Variants in H6PD observed in about 807,000 individuals in gnomAD.
H6PD encodes the protein hexose-6-phosphate dehydrogenase/glucose 1-dehydrogenase.
Under a neutral mutation model 61.2 loss-of-function variants are expected in H6PD, and 48 were observed. The ratio of observed to expected loss-of-function variants is 0.78; its 90% CI spans 0.62 to 1.00. The LOEUF (loss-of-function observed/expected upper bound fraction) is 1.00. Among genes scored for constraint, H6PD ranks in the 50% least tolerant of loss-of-function variants. The pLI, the probability that H6PD is intolerant of heterozygous loss-of-function variation, is 0.00. For synonymous variants in H6PD, 480 were observed against 457.9 expected (o/e 1.05, Z -0.62); for missense variants, 1,093 against 1,065.0 (o/e 1.03, Z -0.37).
intron 3 of H6PD, among the ~76,000 whole-genome samples, chr1:9,258,623 G>A (rs1364855799): frequency 2.0e-5 from 3 of 151,696 alleles, no homozygotes; most frequent in Non-Finnish European, 4.4e-5. Context: ...TTATGTTGCT[G>A]TTATGCCGGT....
At position 9,269,362 on chromosome 1, in the gene H6PD, C is replaced by A. The variant is rs1442074704; in HGVS notation, c.*4493C>A. 1.3e-5 allele frequency: 2 copies of A among 152,236 alleles called. No individual in the cohort carries two copies. Among genetic ancestry groups the A allele is most frequent in the Non-Finnish European group, 2.9e-5 (2 of 68,062 alleles). The allele number at this position is 152,236 out of a possible 1,614,324, so 9.4% of individuals were successfully genotyped here. ...ATTGTACATAGGAAGGAAGGAAGTT[C>A]TTCCAGCCTCACCAGCACCTGGCAG... On this transcript the variant is annotated 3_prime_UTR_variant, in exon 5 of 5. Transcript: ENST00000377403. This position sits in a 1 kb window ranked among gnomAD's most constrained non-coding sequence, Gnocchi z 4.3.
Position 9,262,091 on chromosome 1 carries a change from A to G in H6PD, c.778A>G (p.Ile260Val). Residue 260 changes from isoleucine (I) to valine (V), a missense_variant, in exon 4 of 5, where the codon ATT becomes GTT. By Grantham distance (29) the Ile-to-Val change is conservative (BLOSUM62 3). Coordinates refer to ENST00000377403, the MANE Select transcript of H6PD (RefSeq NM_004285.4). ...CAGCTTCTATGAGGAGTACGGTGTC[A>G]TTCGCGACGTCCTCCAGAACCATCT... Reference protein sequence around the residue: ...RTSFYEEYGVIRDVLQNHLTE... With the variant: ...RTSFYEEYGVVRDVLQNHLTE... 6.2e-7 allele frequency: 1 copy of G among 1,614,170 alleles called. No individual in the cohort carries two copies. The highest frequency in any genetic ancestry group is 1.3e-5 in the African/African-American group (1 of 75,044).
intron 3 of H6PD, among the ~76,000 whole-genome samples, chr1:9,255,032 C>A (rs1641472972): frequency 6.6e-6 from 1 of 152,204 alleles, no homozygotes; most frequent in Admixed American, 6.5e-5. Context: ...CACTTCATTT[C>A]TTTTTACTGC....
At position 9,262,319 on chromosome 1, in the gene H6PD, A is replaced by G. The variant is rs1250481903; in HGVS notation, c.1006A>G (p.Thr336Ala). 2 of 1,602,440 alleles carry G rather than the reference A, an allele frequency of 1.2e-6. No homozygotes were observed. The highest frequency in any genetic ancestry group is 1.7e-6 in the Non-Finnish European group (2 of 1,174,704). The change falls in exon 4 of 5, where the codon ACC (threonine) becomes GCC (alanine). Residue 336 changes from threonine (T) to alanine (A), a missense_variant. By Grantham distance (58) the Thr-to-Ala change is moderately conservative (BLOSUM62 0). Transcript: ENST00000377403. ...KPDSFHSLTPTFAAVLVHIDN... is the reference protein window; with the variant it reads ...KPDSFHSLTPAFAAVLVHIDN... The stretch of plus-strand genomic sequence containing the variant: ...AGACAGCTTCCACAGCCTGACGCCG[A>G]CCTTCGCAGGTGGGCCCTGGGGCTG...
At position 9,268,018 on chromosome 1, in the gene H6PD, G is replaced by C. The variant is rs188575167; in HGVS notation, c.*3149G>C. The C allele has an allele frequency of 2.6e-5, 4 of 152,218 alleles. No homozygotes were observed. The highest frequency in any genetic ancestry group is 2.6e-4 in the Admixed American group (4 of 15,292). The allele number at this position is 152,218 out of a possible 1,614,324, so 9.4% of individuals were successfully genotyped here. ...AGCACTATGGGAGGCTGAGGTGAGA[G>C]GATCACTTGAGCCCAGAAGGTTGAA... On this transcript the variant is annotated 3_prime_UTR_variant, in exon 5 of 5. Transcript: ENST00000377403.
rs72855983 is a variant in H6PD at position 9,265,112 on chromosome 1, T to C, written c.*243T>C. On this transcript the variant is annotated 3_prime_UTR_variant, in exon 5 of 5. Transcript: ENST00000377403. ...AGTCTGCTCCTGAGAAGCTTCAAATTCAGGCCAGGAGAGAAGTCTTAAGAA... is the reference window on the plus strand; with the variant it reads ...AGTCTGCTCCTGAGAAGCTTCAAATCCAGGCCAGGAGAGAAGTCTTAAGAA... The C allele has an allele frequency of 4.2e-3, 2,476 of 594,706 alleles. 65 individuals are homozygous for C. Among genetic ancestry groups the C allele is most frequent in the African/African-American group, 0.042 (2,243 of 54,014 alleles). 36.8% of individuals were successfully genotyped at this position (594,706 alleles called of 1,614,324 possible). A position where few individuals can be genotyped will look rare whatever the true frequency, so the allele number is the denominator to read the frequency against.
chr1:9,249,196 T>G (rs1430299062), intron 3 of H6PD, among the ~76,000 whole-genome samples: 1 of 152,212 alleles, frequency 6.6e-6, no homozygotes, highest in Non-Finnish European at 1.5e-5. Flanking sequence ...TTGGTACTGT[T>G]GCCTCTTAGT....
chr1:9,258,669 T>C lies in H6PD; in HGVS notation c.746-3390T>C, dbSNP rs116495077. Among the ~76,000 whole-genome samples the C allele has an allele frequency of 8.0e-3, 1,163 of 145,724 alleles. 14 individuals carry two copies. Among genetic ancestry groups the C allele is most frequent in the African/African-American group, 0.031 (1,100 of 35,444 alleles). ...TGTTATGCCGGTGTTGTTTTGTTGT[T>C]GTTACGCTGGTGTTACATTGTTACA... is the stretch of plus-strand genomic sequence containing the variant. On this transcript the variant is annotated intron_variant, in intron 3 of 4. Transcript: ENST00000377403.
chr1:9,256,498 C>T (rs754766345), intron 3 of H6PD, among the ~76,000 whole-genome samples: 4 of 152,166 alleles, frequency 2.6e-5, no homozygotes, highest in African/African-American at 4.8e-5. Flanking sequence ...GTTGTTCCCC[C>T]AGCCATGACC....
chr1:9,241,301 G>A (rs931994760), intron 1 of H6PD, among the ~76,000 whole-genome samples: 1 of 134,684 alleles, frequency 7.4e-6, no homozygotes, highest in Non-Finnish European at 1.5e-5. Context: ...GCCCTGTTTT[G>A]TAGATGAAGA....
At position 9,268,340 on chromosome 1, in the gene H6PD, G is replaced by GT. The variant is rs1638638933; in HGVS notation, c.*3471_*3472insT. The GT allele has an allele frequency of 6.6e-6, 1 of 152,196 alleles. No homozygotes were observed. Among genetic ancestry groups the GT allele is most frequent in the Non-Finnish European group, 1.5e-5 (1 of 68,068 alleles). The allele number at this position is 152,196 out of a possible 1,614,324, so 9.4% of individuals were successfully genotyped here. On this transcript the variant is annotated 3_prime_UTR_variant, in exon 5 of 5. Coordinates refer to ENST00000377403, the MANE Select transcript of H6PD (RefSeq NM_004285.4). ...AGTTCCAGCACTGTGTTCCCAGGCA[G>GT]GCTGTTTGCCTCTTCCTGGTCTGGA...
rs532334855 is a variant in H6PD, at chr1:9,247,046, G to T, written c.708G>T (p.Arg236=). Residue 236 remains arginine, a synonymous_variant, in exon 3 of 5, where the codon CGG becomes CGT. Coordinates refer to ENST00000377403, the MANE Select transcript of H6PD (RefSeq NM_004285.4). ...TCTGGAACCGGCACCATGTGGAGCG[G>T]GTGGAGATCATCATGAAAGAGACCG... ...DGLWNRHHVE[R]VEIIMKETVD... The T allele has an allele frequency of 3.1e-6, 5 of 1,613,864 alleles. No individual in the cohort carries two copies. The African/African-American group carries it at 6.7e-5, about 22-fold the overall frequency.
chr1:9,249,607 C>A (rs1641296648), intron 3 of H6PD, among the ~76,000 whole-genome samples: 4 of 152,142 alleles, frequency 2.6e-5, no homozygotes, highest in Admixed American at 2.6e-4. Flanking sequence ...ACAGCTGGGC[C>A]CTGTACCTTC....
At chr1:9,235,967 A>C (rs1468610260) in intron 1 of H6PD, among the ~76,000 whole-genome samples, 1 of 152,168 alleles carries the variant, frequency 6.6e-6, no homozygotes, top group Non-Finnish European at 1.5e-5. Flanking sequence ...TATGATTGGA[A>C]GATCATGAAA....
At position 9,245,438 on chromosome 1, in the gene H6PD, GCGGGTTGTCCTTGAGAAA is replaced by G; in HGVS notation, c.506_523del (p.Arg169_Lys174del). The G allele has an allele frequency of 6.2e-7, 1 of 1,614,172 alleles. No individual in the cohort carries two copies. The highest frequency in any genetic ancestry group is 1.1e-5 in the South Asian group (1 of 91,090). ...GCCGGCCAGGCCCGGGCGCCTGGCTGCGGGTTGTCCTTGAGAAACCCTTTGGCCATGACCACTTCTCAG... is the reference window on the plus strand; with the variant it reads ...GCCGGCCAGGCCCGGGCGCCTGGCTGCCCTTTGGCCATGACCACTTCTCAG... On this transcript the variant is annotated inframe_deletion, in exon 2 of 5. Coordinates refer to ENST00000377403, the MANE Select transcript of H6PD (RefSeq NM_004285.4). The surrounding 1 kb of genome is among the most constrained non-coding windows in gnomAD (Gnocchi z 4.8).
rs1043593874 is a variant in H6PD at position 9,245,792 on chromosome 1, C to T, written c.627+231C>T. Among the ~76,000 whole-genome samples the T allele has an allele frequency of 5.3e-5, 8 of 152,146 alleles. No individual in the cohort carries two copies. The highest frequency in any genetic ancestry group is 1.9e-4 in the African/African-American group (8 of 41,438). Reference sequence around the variant, plus strand: ...CTGGCCTCTTTTGTCCTTTGCAAAGCCCCCGTTCTCGTTGTTTCCCAGTCT... The same window carrying T: ...CTGGCCTCTTTTGTCCTTTGCAAAGTCCCCGTTCTCGTTGTTTCCCAGTCT... On this transcript the variant is annotated intron_variant, in intron 2 of 4. Transcript: ENST00000377403. The surrounding 1 kb of genome is among the most constrained non-coding windows in gnomAD (Gnocchi z 4.8).
intron 3 of H6PD, among the ~76,000 whole-genome samples, chr1:9,255,626 A>G (rs1214301395): frequency 1.3e-5 from 2 of 152,046 alleles, no homozygotes; most frequent in Non-Finnish European, 2.9e-5. Flanking sequence ...TTCCTGTTCT[A>G]TTATTGCAGG....
chr1:9,248,314 C>T (rs922049006), intron 3 of H6PD, among the ~76,000 whole-genome samples: 4 of 152,186 alleles, frequency 2.6e-5, no homozygotes, highest in South Asian at 2.1e-4. Context: ...TTCTTTCCCC[C>T]GCCCCTTGGT....
chr1:9,262,219 C>T lies in H6PD; in HGVS notation c.906C>T (p.Gly302=). 4.3e-6 allele frequency: 7 copies of T among 1,614,016 alleles called. No individual in the cohort carries two copies. The highest frequency in any genetic ancestry group is 5.9e-6 in the Non-Finnish European group (7 of 1,179,936). ...HKLQVFQALR[G]LQRGSAVVGQ... ...TTCAGGTCTTCCAGGCGCTGCGGGGCCTGCAGAGGGGCAGTGCCGTCGTGG... is the reference window on the plus strand; with the variant it reads ...TTCAGGTCTTCCAGGCGCTGCGGGGTCTGCAGAGGGGCAGTGCCGTCGTGG... The change falls in exon 4 of 5, where the codon GGC becomes GGT. Residue 302 remains glycine (G), a synonymous_variant. Transcript: ENST00000377403.
Sources: gnomAD v4.1 joint callset for allele counts (sites outside exome capture counted in the v4.1 genomes callset) on GRCh38, gnomAD v4.1.1 for gene constraint, Gnocchi (gnomAD v3.1) non-coding constraint, MANE v1.5 for transcripts, NCBI Gene and HGNC (gene_info 2026-07-23, HGNC 2026-07-21) for gene names.